The following MYCBP2 variants were observed in gnomAD, a reference collection of about 807,000 sequenced individuals.
The protein encoded by MYCBP2 is MYC binding protein 2, also known as E3 ubiquitin-protein ligase MYCBP2.
Under a neutral mutation model 525.3 loss-of-function variants are expected in MYCBP2, and 120 were observed. The ratio of observed to expected loss-of-function variants is 0.23; its 90% CI spans 0.20 to 0.27. The LOEUF is 0.27. Ranked by LOEUF, MYCBP2 falls within the 10% of genes least tolerant of loss-of-function variation. The pLI, the probability that MYCBP2 is intolerant of heterozygous loss-of-function variation, is 1.00. For missense variants in MYCBP2, 4,149 were observed against 5,657.1 expected (o/e 0.73, Z 8.55); for synonymous variants, 1,894 against 1,955.8 (o/e 0.97, Z 0.83).
At chr13:77,101,958 C>T (rs2047132686) in intron 55 of MYCBP2, among the ~76,000 whole-genome samples, 1 of 151,874 alleles carries the variant, frequency 6.6e-6, no homozygotes, top group Non-Finnish European at 1.5e-5. Flanking sequence ...ACATTCATCT[C>T]CTAATTTATT....
intron 44 of MYCBP2, 63 bp from the exon 45 acceptor site, chr13:77,158,172 T>G (rs995274272): frequency 8.8e-7 from 1 of 1,134,712 alleles, no homozygotes. Context: ...CATAAAATTT[T>G]TCAACATGCA....
At position 77,076,767 on chromosome 13, in the gene MYCBP2, TCTC is replaced by T; in HGVS notation, c.11804_11806del (p.Gly3935del). ...AATAAATACATTGTATACTTTTTCT[TCTC>T]CTTCAGGTGATGACAATAGTGCTTT... On this transcript the variant is annotated inframe_deletion, in exon 68 of 83. Transcript: ENST00000544440. The T allele has an allele frequency of 1.2e-6, 2 of 1,600,354 alleles. No homozygotes were observed. Among genetic ancestry groups the T allele is most frequent in the South Asian group, 1.1e-5 (1 of 89,682 alleles).
intron 27 of MYCBP2, among the ~76,000 whole-genome samples, chr13:77,193,499 T>C (rs1444023594): frequency 3.9e-5 from 6 of 152,102 alleles, no homozygotes; most frequent in Admixed American, 3.9e-4. Context: ...ACTATGAAGC[T>C]CAGTTTATAA....
At chr13:77,292,428 AG>A (rs1024040673) in intron 2 of MYCBP2, among the ~76,000 whole-genome samples, 5 of 152,086 alleles carry the variant, frequency 3.3e-5, no homozygotes, top group Non-Finnish European at 7.4e-5. Context: ...TACACACACA[AG>A]TGCATATATA....
At chr13:77,186,275 AAGGTAAAGT>A (rs901602314) in intron 30 of MYCBP2, among the ~76,000 whole-genome samples, 17 of 152,308 alleles carry the variant, frequency 1.1e-4, no homozygotes, top group African/African-American at 3.8e-4. Flanking sequence ...TGTTACAAAA[AAGGTAAAGT>A]AGTTAAGCAT....
At position 77,205,289 on chromosome 13, in the gene MYCBP2, A is replaced by T; in HGVS notation, c.3810T>A (p.Phe1270Leu). 6.2e-7 allele frequency: 1 copy of T among 1,613,436 alleles called. No homozygotes were observed. The highest frequency in any genetic ancestry group is 8.5e-7 in the Non-Finnish European group (1 of 1,179,580). The change falls in exon 26 of 83, where the codon TTT (phenylalanine) becomes TTA (leucine). Residue 1270 changes from phenylalanine (F) to leucine (L), a missense_variant. By Grantham distance (22) the Phe-to-Leu change is conservative (BLOSUM62 0). Coordinates refer to ENST00000544440, the MANE Select transcript of MYCBP2 (RefSeq NM_015057.5). ...TAGCAGTATATTCTCCTCTACCTCC[A>T]AACAGACCAAGACCACCAAGTAAAA... The part of the protein sequence containing the change: ...TDILLGGLGL[F>L]GGRGEYTAKI...
chr13:77,271,820 GA>G (rs2074940356), intron 5 of MYCBP2, among the ~76,000 whole-genome samples: 1 of 152,170 alleles, frequency 6.6e-6, no homozygotes, highest in Admixed American at 6.5e-5. Flanking sequence ...TCAGCAGCGT[GA>G]AAACGGACTT....
intron 45 of MYCBP2, among the ~76,000 whole-genome samples, chr13:77,157,110 A>G (rs2057300969): frequency 6.6e-6 from 1 of 152,134 alleles, no homozygotes; most frequent in African/African-American, 2.4e-5. Context: ...TTTTTGAGAT[A>G]GGGTCTTGCT....
Position 77,101,670 on chromosome 13 carries a change from T to C in MYCBP2, c.8141-2657A>G, listed in dbSNP as rs530943928. Among the ~76,000 whole-genome samples the C allele has an allele frequency of 1.8e-4, 28 of 152,144 alleles. No homozygotes were observed. The South Asian group carries it at 5.2e-3, about 28-fold the overall frequency. On this transcript the variant is annotated intron_variant, in intron 55 of 82. Transcript: ENST00000544440. ...TGTTGAAGTTTAGGCATACAAATAATGGCAGAAATATTTCTTTTTCAGATG... is the reference window on the plus strand; with the variant it reads ...TGTTGAAGTTTAGGCATACAAATAACGGCAGAAATATTTCTTTTTCAGATG...
chr13:77,194,313 A>C, intron 26 of MYCBP2, 69 bp from the exon 27 acceptor site: 6 of 1,164,056 alleles, frequency 5.2e-6, no homozygotes, highest in Non-Finnish European at 7.7e-6. Flanking sequence ...ATGTGTTCAT[A>C]ATTTTGTGCA....
At chr13:77,083,352 CT>C (rs1167743828) in intron 62 of MYCBP2, among the ~76,000 whole-genome samples, 160 bp from the exon 63 acceptor site, 1 of 152,040 alleles carries the variant, frequency 6.6e-6, no homozygotes, top group African/African-American at 2.4e-5. Context: ...ACTAATTATG[CT>C]TGTATTATTT....
intron 35 of MYCBP2, 114 bp from the exon 36 acceptor site, chr13:77,176,742 G>A: frequency 1.1e-6 from 1 of 897,724 alleles, no homozygotes; most frequent in African/African-American, 1.7e-5. Flanking sequence ...TATAAAATTA[G>A]CCATTAGTAT....
At chr13:77,257,931 A>C in intron 13 of MYCBP2, 102 bp from the exon 14 acceptor site, 1 of 903,078 alleles carries the variant, frequency 1.1e-6, no homozygotes, top group Non-Finnish European at 1.6e-6. Context: ...GGGGCAAAAT[A>C]ACTCAACAAA....
At position 77,326,690 on chromosome 13, in the gene MYCBP2, G is replaced by A. The variant is rs1208340464; in HGVS notation, c.86C>T (p.Ser29Phe). 9.0e-6 allele frequency: 13 copies of A among 1,448,370 alleles called. No homozygotes were observed. Among genetic ancestry groups the A allele is most frequent in the African/African-American group, 1.5e-5 (1 of 66,928 alleles). 89.7% of individuals were successfully genotyped at this position (1,448,370 alleles called of 1,614,324 possible). A position where few individuals can be genotyped will look rare whatever the true frequency, so the allele number is the denominator to read the frequency against. Residue 29 changes from serine to phenylalanine, a missense_variant, in exon 1 of 83, where the codon TCT becomes TTT. Around this residue, in one of 21 missense-constraint regions of MYCBP2, gnomAD observed 413 missense variants for 451.2 expected, o/e 0.92. Coordinates refer to ENST00000544440, the MANE Select transcript of MYCBP2 (RefSeq NM_015057.5). The surrounding 1 kb of genome is among the most constrained non-coding windows in gnomAD (Gnocchi z 4.2). ...CAGCGCCCCCGGCGCCGGGGAGGAA[G>A]AGAAGGTGGCGGCTGGGTAGAATCC... ...GDGFYPAATFSSSPAPGALFM... is the reference protein window; with the variant it reads ...GDGFYPAATFFSSPAPGALFM...
Position 77,051,872 on chromosome 13 carries a change from C to T in MYCBP2, c.13694G>A (p.Gly4565Glu), listed in dbSNP as rs776569714. The change falls in exon 81 of 83, where the codon GGA becomes GAA. Residue 4565 changes from glycine (G) to glutamate (E), a missense_variant. By Grantham distance (98) the Gly-to-Glu change is moderately conservative (BLOSUM62 -2). Transcript: ENST00000544440. ...GAGCTCTCTGGGATCATAATCATCT[C>T]CCCGTCCAGCCTCAGCATCGCAGCG... ...EARCDAEAGR[G>E]DDYDPRELIC... 1.5e-5 allele frequency: 25 copies of T among 1,614,052 alleles called. No individual in the cohort carries two copies. Among genetic ancestry groups the T allele is most frequent in the Non-Finnish European group, 2.0e-5 (24 of 1,180,044 alleles).
At chr13:77,087,956 C>G (rs74405297) in intron 61 of MYCBP2, among the ~76,000 whole-genome samples, 1 of 150,880 alleles carries the variant, frequency 6.6e-6, no homozygotes, top group African/African-American at 2.4e-5. Flanking sequence ...GATTTTAAAA[C>G]TTTTTTTTTG....
rs71203041 is a variant in MYCBP2 at position 77,248,142 on chromosome 13, C to CAAA, written c.2381+3006_2381+3008dup. Among the ~76,000 whole-genome samples the CAAA allele has an allele frequency of 9.6e-3, 1,365 of 141,508 alleles. 9 individuals carry two copies. The highest frequency in any genetic ancestry group is 0.015 in the Middle Eastern group (4 of 274). 92.8% of individuals were successfully genotyped at this position (141,508 alleles called of 152,430 possible). A position where few individuals can be genotyped will look rare whatever the true frequency, so the allele number is the denominator to read the frequency against. ...TGTACCCTAAAACTTAAAGTATAAT[C>CAAA]AAAAAAAAAAAAAGAAGAAGAAAAG... On this transcript the variant is annotated intron_variant, in intron 15 of 82. Transcript: ENST00000544440.
chr13:77,283,294 A>G (rs369723309), intron 3 of MYCBP2, among the ~76,000 whole-genome samples: 1 of 152,076 alleles, frequency 6.6e-6, no homozygotes. Flanking sequence ...CTCTTGCTCT[A>G]TCTCAGCCAG....
At chr13:77,062,956 A>C (rs1439453885) in intron 73 of MYCBP2, among the ~76,000 whole-genome samples, 1 of 152,220 alleles carries the variant, frequency 6.6e-6, no homozygotes, top group Non-Finnish European at 1.5e-5. Context: ...CTATCTGACA[A>C]ATAAAATTAT....
Sources: gnomAD v4.1 joint callset for allele counts (sites outside exome capture counted in the v4.1 genomes callset) on GRCh38, gnomAD v4.1.1 for gene constraint, gnomAD v4.1.1 regional missense constraint, Gnocchi (gnomAD v3.1) non-coding constraint, MANE v1.5 for transcripts, NCBI Gene and HGNC (gene_info 2026-07-23, HGNC 2026-07-21) for gene names.